RP9: variants seen among roughly 807,000 people sequenced by gnomAD.
RP9 encodes retinitis pigmentosa 9 protein.
A neutral mutation model predicts 32.6 loss-of-function variants in RP9; 23 were observed. The ratio of observed to expected loss-of-function variants is 0.71; its 90% CI spans 0.51 to 1.00. The LOEUF is 1.00. Among genes scored for constraint, RP9 ranks in the 50% least tolerant of loss-of-function variants. The pLI, the probability that RP9 is intolerant of heterozygous loss-of-function variation, is 0.00. For missense variants in RP9, 245 were observed against 285.3 expected, an observed-to-expected ratio of 0.86 and a Z score of 1.02; for synonymous variants, 94 against 103.6, an observed-to-expected ratio of 0.91 and a Z score of 0.56.
At chr7:33,100,796 T>C in intron 1 of RP9, 1 of 669,942 alleles carries the variant, frequency 1.5e-6, no homozygotes, top group East Asian at 3.0e-5. Context: ...ATCCAGGGAC[T>C]GAACCCAGAG....
At chr7:33,099,213 C>T in intron 3 of RP9, 94 bp downstream of exon 3, 1 of 1,431,634 alleles carries the variant, frequency 7.0e-7, no homozygotes, top group Non-Finnish European at 9.8e-7. Flanking sequence ...TGTAAGAGGG[C>T]TGTGATGAGA....
chr7:33,101,233 A>G (rs1788420005), intron 1 of RP9, among the ~76,000 whole-genome samples: 1 of 152,164 alleles, frequency 6.6e-6, no homozygotes, highest in Non-Finnish European at 1.5e-5. Flanking sequence ...CGTCTTATGC[A>G]TAGTTTAAGG....
At chr7:33,099,112 A>T in intron 3 of RP9, 195 bp downstream of exon 3, 1 of 658,676 alleles carries the variant, frequency 1.5e-6, no homozygotes, top group Non-Finnish European at 2.6e-6. Context: ...TCCTGGCTTA[A>T]GATGACAGCC....
Position 33,099,446 on chromosome 7 carries a change from G to C in RP9, c.184-10C>G. ...GCTTAGTCTCATCTTCCTAAAAAAGGGAACAGGTATAAACAGCATGGCAAG... is the reference window on the plus strand; with the variant it reads ...GCTTAGTCTCATCTTCCTAAAAAAGCGAACAGGTATAAACAGCATGGCAAG... On this transcript the variant is annotated splice_polypyrimidine_tract_variant and intron_variant, in intron 2 of 5. Transcript: ENST00000297157. The C allele has an allele frequency of 6.2e-7, 1 of 1,613,502 alleles. No homozygotes were observed. The highest frequency in any genetic ancestry group is 8.5e-7 in the Non-Finnish European group (1 of 1,179,962).
chr7:33,107,238 CCAGT>C (rs1352908456), intron 1 of RP9, among the ~76,000 whole-genome samples: 1 of 152,190 alleles, frequency 6.6e-6, no homozygotes, highest in Non-Finnish European at 1.5e-5. Context: ...AAAAATCCCA[CCAGT>C]CAATCAGACA....
intron 1 of RP9, among the ~76,000 whole-genome samples, chr7:33,102,562 TACTA>T (rs1788441054): frequency 1.3e-5 from 2 of 152,260 alleles, no homozygotes; most frequent in Admixed American, 6.5e-5. Context: ...ATTCAGACTG[TACTA>T]ACTTTCTCTG....
intron 1 of RP9, among the ~76,000 whole-genome samples, chr7:33,108,863 G>A (rs1457224225): frequency 6.6e-6 from 1 of 152,218 alleles, no homozygotes; most frequent in East Asian, 1.9e-4. Context: ...TAGAAGGGTA[G>A]AGGGAAACCA....
chr7:33,102,206 TTAATG>T (rs1242617583), intron 1 of RP9, among the ~76,000 whole-genome samples: 2 of 152,226 alleles, frequency 1.3e-5, no homozygotes, highest in Non-Finnish European at 2.9e-5. Context: ...GAACAATTCA[TTAATG>T]TAGTATACTC....
chr7:33,109,128 G>A lies in RP9; in HGVS notation c.152+93C>T. 7.0e-7 allele frequency: 1 copy of A among 1,423,160 alleles called. No individual in the cohort carries two copies. The highest frequency in any genetic ancestry group is 9.2e-7 in the Non-Finnish European group (1 of 1,087,474). 88.2% of individuals were successfully genotyped at this position (1,423,160 alleles called of 1,614,324 possible). A position where few individuals can be genotyped will look rare whatever the true frequency, so the allele number is the denominator to read the frequency against. ...CCCCCTGCCTGCTCGCGGGGGCTCG[G>A]AGGACCCGGCCTAGCGCCCACCGCG... On this transcript the variant is annotated intron_variant, in intron 1 of 5. Coordinates refer to ENST00000297157, the MANE Select transcript of RP9 (RefSeq NM_203288.2). The surrounding 1 kb of genome is among the most constrained non-coding windows in gnomAD (Gnocchi z 4.9).
intron 1 of RP9, among the ~76,000 whole-genome samples, chr7:33,104,901 T>C (rs1319690719): frequency 6.6e-6 from 1 of 152,204 alleles, no homozygotes; most frequent in Non-Finnish European, 1.5e-5. Context: ...TTTTGACCTG[T>C]AATTTTATAC....
chr7:33,109,271 C>G lies in RP9; in HGVS notation c.102G>C (p.Arg34=). 4.0e-6 allele frequency: 6 copies of G among 1,493,296 alleles called. No individual in the cohort carries two copies. Among genetic ancestry groups the G allele is most frequent in the Non-Finnish European group, 4.4e-6 (5 of 1,125,424 alleles). 92.5% of individuals were successfully genotyped at this position (1,493,296 alleles called of 1,614,324 possible). A position where few individuals can be genotyped will look rare whatever the true frequency, so the allele number is the denominator to read the frequency against. ...GCAGCTGCTGCGCGTCGTGTCGCCG[C>G]CGCTTCTGCTCCCGACGTCGCTGCA... The part of the protein sequence containing the change: ...QELQRRREQK[R]RRHDAQQLQQ... Residue 34 remains arginine, a synonymous_variant, in exon 1 of 6, where the codon CGG becomes CGC. Coordinates refer to ENST00000297157, the MANE Select transcript of RP9 (RefSeq NM_203288.2). This position sits in a 1 kb window ranked among gnomAD's most constrained non-coding sequence, Gnocchi z 4.9.
chr7:33,105,780 A>G (rs1403880389), intron 1 of RP9, among the ~76,000 whole-genome samples: 1 of 152,132 alleles, frequency 6.6e-6, no homozygotes, highest in Non-Finnish European at 1.5e-5. Context: ...GTCTAATCAT[A>G]TTTCTACACT....
rs768711443 is a variant in RP9 at position 33,099,265 on chromosome 7, G to A, written c.313+42C>T. On this transcript the variant is annotated intron_variant, in intron 3 of 5. Coordinates refer to ENST00000297157, the MANE Select transcript of RP9 (RefSeq NM_203288.2). The stretch of plus-strand genomic sequence containing the variant: ...AAGTAAACACTCTTTGTAAATTGAG[G>A]CATGTAAGTTGCATGGATTAGGGAA... 20 of 1,605,810 alleles carry A rather than the reference G, an allele frequency of 1.2e-5. No homozygotes were observed. In the African/African-American group the frequency reaches 2.7e-4, roughly 22 times the overall value.
At chr7:33,099,631 A>C (rs142671979) in intron 2 of RP9, among the ~76,000 whole-genome samples, 195 bp from the exon 3 acceptor site, 53 of 152,218 alleles carry the variant, frequency 3.5e-4, no homozygotes, top group Non-Finnish European at 2.2e-4. Flanking sequence ...GAAGAACTAT[A>C]CCAAAAACAA....
intron 1 of RP9, among the ~76,000 whole-genome samples, chr7:33,102,532 C>A (rs553902846): frequency 6.6e-6 from 1 of 152,218 alleles, no homozygotes; most frequent in Non-Finnish European, 1.5e-5. Context: ...TTTGTGCCAT[C>A]TGAAAAGCCT....
chr7:33,104,660 C>T (rs1449998046), intron 1 of RP9, among the ~76,000 whole-genome samples: 3 of 152,184 alleles, frequency 2.0e-5, no homozygotes, highest in African/African-American at 7.2e-5. Flanking sequence ...ATCGCCAAAA[C>T]TGAGTGAAAA....
intron 5 of RP9, 91 bp downstream of exon 5, chr7:33,096,402 G>A: frequency 7.9e-6 from 7 of 887,126 alleles, no homozygotes; most frequent in Non-Finnish European, 1.3e-5. Flanking sequence ...CATGTTTACT[G>A]CACCATTCCT....
chr7:33,099,156 G>C, intron 3 of RP9, 151 bp downstream of exon 3: 2 of 852,524 alleles, frequency 2.3e-6, no homozygotes, highest in Non-Finnish European at 1.9e-6. Context: ...GTGGTGGGGG[G>C]TGGGGTGGAT....
chr7:33,106,874 G>A (rs566459431), intron 1 of RP9, among the ~76,000 whole-genome samples: 2 of 152,100 alleles, frequency 1.3e-5, no homozygotes, highest in East Asian at 1.9e-4. Flanking sequence ...AACCCAGGAA[G>A]TGGAGGCTGC....
Sources: gnomAD v4.1 joint callset for allele counts (sites outside exome capture counted in the v4.1 genomes callset) on GRCh38, gnomAD v4.1.1 for gene constraint, Gnocchi (gnomAD v3.1) non-coding constraint, MANE v1.5 for transcripts, NCBI Gene and HGNC (gene_info 2026-07-23, HGNC 2026-07-21) for gene names.